The following DIAPH3 variants were observed in gnomAD, a reference collection of about 807,000 sequenced individuals.
The protein encoded by DIAPH3 is protein diaphanous homolog 3.
A neutral mutation model predicts 144.3 loss-of-function variants in DIAPH3; 117 were observed. The observed-to-expected ratio is 0.81, with a 90% CI of 0.70 to 0.95. The LOEUF (loss-of-function observed/expected upper bound fraction) is 0.95, where lower values mean the gene tolerates loss of function less well. Ranked by LOEUF, DIAPH3 falls within the 40% of genes least tolerant of loss-of-function variation. The pLI, the probability that DIAPH3 is intolerant of heterozygous loss-of-function variation, is 0.00. For synonymous variants in DIAPH3, 519 were observed against 488.9 expected, an observed-to-expected ratio of 1.06 and a Z score of -0.81; for missense variants, 1,421 against 1,412.7, an observed-to-expected ratio of 1.01 and a Z score of -0.09.
intron 27 of DIAPH3, among the ~76,000 whole-genome samples, chr13:59,746,628 C>T (rs1270323348): frequency 1.3e-5 from 2 of 152,160 alleles, no homozygotes; most frequent in Non-Finnish European, 1.5e-5. Context: ...CTCCAAAATT[C>T]TCCTTTTCTG....
chr13:60,049,640 C>T (rs1219199688), intron 4 of DIAPH3, among the ~76,000 whole-genome samples: 1 of 152,194 alleles, frequency 6.6e-6, no homozygotes, highest in East Asian at 1.9e-4. Context: ...ATAACTCTTA[C>T]TCTGTATTAA....
chr13:59,674,102 C>G (rs531792081), intron 27 of DIAPH3, among the ~76,000 whole-genome samples: 18 of 152,080 alleles, frequency 1.2e-4, no homozygotes, highest in Admixed American at 3.3e-4. Flanking sequence ...AGGACTGTGA[C>G]CTGTGAAATC....
intron 2 of DIAPH3, among the ~76,000 whole-genome samples, chr13:60,121,350 G>C (rs2058839393): frequency 6.6e-6 from 1 of 152,026 alleles, no homozygotes; most frequent in Non-Finnish European, 1.5e-5. Flanking sequence ...AAGACCCCTT[G>C]GTGGTCCATG....
At chr13:59,773,831 A>G (rs2038247320) in intron 27 of DIAPH3, among the ~76,000 whole-genome samples, 1 of 152,154 alleles carries the variant, frequency 6.6e-6, no homozygotes, top group Non-Finnish European at 1.5e-5. Context: ...AAGATGACAG[A>G]TTTAATACTT....
rs2052653356 is a variant in DIAPH3 at position 60,003,534 on chromosome 13, T to C, written c.1014+5010A>G. On this transcript the variant is annotated intron_variant, in intron 9 of 27. Coordinates refer to ENST00000400324, the MANE Select transcript of DIAPH3 (RefSeq NM_001042517.2). ...GTGTGTATACATATATATATAGATA[T>C]ATCTATCTATCTATATATAGATAGA... Among the ~76,000 whole-genome samples the C allele has an allele frequency of 2.7e-5, 4 of 149,136 alleles. No individual in the cohort carries two copies. In the South Asian group the frequency reaches 8.3e-4, roughly 31 times the overall value.
intron 14 of DIAPH3, among the ~76,000 whole-genome samples, 190 bp downstream of exon 14, chr13:59,980,605 G>A (rs989087923): frequency 3.3e-5 from 5 of 151,544 alleles, no homozygotes; most frequent in Admixed American, 2.6e-4. Flanking sequence ...AGAAGAATAG[G>A]GAAGGTCAAG....
At chr13:59,782,268 G>A (rs1490558491) in intron 25 of DIAPH3, among the ~76,000 whole-genome samples, 1 of 152,128 alleles carries the variant, frequency 6.6e-6, no homozygotes, top group Non-Finnish European at 1.5e-5. Flanking sequence ...AGACAATGGG[G>A]TAAAGGAAGA....
At chr13:59,963,785 T>C (rs1330322203) in intron 17 of DIAPH3, among the ~76,000 whole-genome samples, 1 of 152,194 alleles carries the variant, frequency 6.6e-6, no homozygotes, top group Non-Finnish European at 1.5e-5. Context: ...CATGAACTCC[T>C]GGCCTCAAGC....
In DIAPH3 at chr13:59,742,653, A is replaced by AAAAGG. The variant is rs1045790150; in HGVS notation, c.3319+31531_3319+31535dup. 3.3e-5 allele frequency among the ~76,000 whole-genome samples: 5 copies of AAAAGG among 151,934 alleles called. No individual in the cohort carries two copies. The South Asian group carries it at 6.3e-4, about 19-fold the overall frequency. ...GAGAAAGGAAAGAAGGAAGGAAGGAAAAAGGAAAGGAAAGGAAAGGAAGAA... is the reference window on the plus strand; with the variant it reads ...GAGAAAGGAAAGAAGGAAGGAAGGAAAAAGGAAAGGAAAGGAAAGGAAAGGAAGAA... On this transcript the variant is annotated intron_variant, in intron 27 of 27. Coordinates refer to ENST00000400324, the MANE Select transcript of DIAPH3 (RefSeq NM_001042517.2).
chr13:59,871,335 AGAG>A (rs2044264826), intron 21 of DIAPH3, among the ~76,000 whole-genome samples: 1 of 152,160 alleles, frequency 6.6e-6, no homozygotes, highest in African/African-American at 2.4e-5. Context: ...ACAATGTTCA[AGAG>A]GAGTAGTGAG....
chr13:60,038,580 T>A (rs1349077478), intron 5 of DIAPH3, among the ~76,000 whole-genome samples: 1 of 152,188 alleles, frequency 6.6e-6, no homozygotes, highest in African/African-American at 2.4e-5. Flanking sequence ...CACATACATT[T>A]CTGCAAAATT....
chr13:59,876,530 CTATT>C (rs1392849408), intron 21 of DIAPH3, among the ~76,000 whole-genome samples: 1 of 152,146 alleles, frequency 6.6e-6, no homozygotes, highest in Non-Finnish European at 1.5e-5. Flanking sequence ...GAGAGGATGT[CTATT>C]TATTTTCAAC....
intron 1 of DIAPH3, among the ~76,000 whole-genome samples, chr13:60,142,157 G>C (rs2059438767): frequency 6.6e-6 from 1 of 152,156 alleles, no homozygotes; most frequent in African/African-American, 2.4e-5. Context: ...CAAATATTTT[G>C]TAAGTATACA....
intron 22 of DIAPH3, among the ~76,000 whole-genome samples, chr13:59,851,834 G>T (rs903120634): frequency 1.3e-5 from 2 of 152,042 alleles, no homozygotes; most frequent in Non-Finnish European, 2.9e-5. Context: ...TGGCCAGGAT[G>T]GTCTCAATCT....
At chr13:59,873,231 A>G (rs940194578) in intron 21 of DIAPH3, among the ~76,000 whole-genome samples, 3 of 152,214 alleles carry the variant, frequency 2.0e-5, no homozygotes, top group African/African-American at 4.8e-5. Context: ...AAGGTTGCCA[A>G]AATTTACTGG....
chr13:60,115,834 C>A (rs2058690096), intron 2 of DIAPH3, among the ~76,000 whole-genome samples: 1 of 151,910 alleles, frequency 6.6e-6, no homozygotes. Flanking sequence ...CTACAAAAAT[C>A]TCCAATATAT....
intron 20 of DIAPH3, among the ~76,000 whole-genome samples, chr13:59,911,063 C>T (rs2046974745): frequency 6.6e-6 from 1 of 151,942 alleles, no homozygotes; most frequent in African/African-American, 2.4e-5. Flanking sequence ...AGAGAAACAA[C>T]ACTATAGTAT....
At chr13:60,036,415 T>C (rs1355113320) in intron 5 of DIAPH3, among the ~76,000 whole-genome samples, 1 of 152,128 alleles carries the variant, frequency 6.6e-6, no homozygotes, top group Admixed American at 6.6e-5. Context: ...AATTAATATG[T>C]TGTTGTGTTT....
At chr13:59,678,914 T>C (rs2032782152) in intron 27 of DIAPH3, among the ~76,000 whole-genome samples, 1 of 152,174 alleles carries the variant, frequency 6.6e-6, no homozygotes, top group Non-Finnish European at 1.5e-5. Flanking sequence ...TTATCTAAAA[T>C]ATGAAGGGAG....
Sources: gnomAD v4.1 joint callset for allele counts (sites outside exome capture counted in the v4.1 genomes callset) on GRCh38, gnomAD v4.1.1 for gene constraint, MANE v1.5 for transcripts, NCBI Gene and HGNC (gene_info 2026-07-23, HGNC 2026-07-21) for gene names.